Variants in ENTREP1 observed in about 807,000 individuals in gnomAD.
ENTREP1 encodes the protein endosomal transmembrane epsin interactor 1.
chr9:69,383,395 G>T, the ENTREP1 span: 4 of 1,317,036 alleles, frequency 3.0e-6, no homozygotes, highest in Admixed American at 1.0e-4. Context: ...TTGACTGATG[G>T]GTTTAAAAGC....
At chr9:69,329,675 A>G in the ENTREP1 span, 7 of 985,296 alleles carry the variant, frequency 7.1e-6, no homozygotes, top group Admixed American at 1.2e-4. Flanking sequence ...GCCATCTTGA[A>G]AAACAACCTG....
chr9:69,355,115 A>AT, the ENTREP1 span, among the ~76,000 whole-genome samples: 1 of 152,230 alleles, frequency 6.6e-6, no homozygotes, highest in Admixed American at 6.5e-5. Flanking sequence ...TTACTGTAAA[A>AT]TTTTAATGGC....
chr9:69,379,456 G>T, the ENTREP1 span: 1 of 152,310 alleles, frequency 6.6e-6, no homozygotes, highest in Non-Finnish European at 1.5e-5. Flanking sequence ...GGCCTCTCTG[G>T]TGTTCAGGGA....
chr9:69,389,360 C>T, the ENTREP1 span, among the ~76,000 whole-genome samples: 1 of 152,146 alleles, frequency 6.6e-6, no homozygotes, highest in Non-Finnish European at 1.5e-5. Flanking sequence ...GAGTAAATAC[C>T]CTCTCACTGT....
chr9:69,385,758 C>A, the ENTREP1 span: 1 of 1,437,964 alleles, frequency 7.0e-7, no homozygotes, highest in South Asian at 1.4e-5. Flanking sequence ...ATTTATGTTT[C>A]GCCTCTTTTT....
chr9:69,369,682 G>T, the ENTREP1 span, among the ~76,000 whole-genome samples: 3 of 151,518 alleles, frequency 2.0e-5, no homozygotes, highest in South Asian at 6.3e-4. Flanking sequence ...GAGTCCAAGT[G>T]TTCCTCATCC....
At chr9:69,365,719 A>G in the ENTREP1 span, among the ~76,000 whole-genome samples, 2 of 118,702 alleles carry the variant, frequency 1.7e-5, no homozygotes, top group East Asian at 4.3e-4. Flanking sequence ...CTATAATTCT[A>G]CTCTCTCTCG....
the ENTREP1 span, chr9:69,392,071 A>G: frequency 2.0e-6 from 1 of 510,586 alleles, no homozygotes; most frequent in Non-Finnish European, 3.5e-6. Context: ...CAGCATTCCC[A>G]AGGGTCACAT....
chr9:69,358,353 G>A, the ENTREP1 span, among the ~76,000 whole-genome samples: 25 of 152,184 alleles, frequency 1.6e-4, no homozygotes, highest in Non-Finnish European at 3.2e-4. Context: ...AAGAATATAT[G>A]ATACCTGTAT....
the ENTREP1 span, chr9:69,384,105 C>G: frequency 9.2e-7 from 1 of 1,088,404 alleles, no homozygotes; most frequent in South Asian, 1.4e-5. Flanking sequence ...TCTCTGTAAT[C>G]CCAGCACTTT....
chr9:69,357,827 T>C, the ENTREP1 span, among the ~76,000 whole-genome samples: 2 of 152,204 alleles, frequency 1.3e-5, no homozygotes, highest in East Asian at 1.9e-4. Flanking sequence ...CGGTGCCTTG[T>C]CTTTAATTAT....
the ENTREP1 span, chr9:69,388,267 G>A: frequency 1.9e-5 from 31 of 1,614,058 alleles, no homozygotes; most frequent in Admixed American, 1.2e-4. Flanking sequence ...GATGCAGACC[G>A]CGGTCTTTGA....
At chr9:69,377,505 A>G in the ENTREP1 span, 1 of 1,608,208 alleles carries the variant, frequency 6.2e-7, no homozygotes, top group Non-Finnish European at 8.5e-7. Flanking sequence ...CATCATGGCC[A>G]CGTTTCCGCT....
the ENTREP1 span, among the ~76,000 whole-genome samples, chr9:69,337,276 G>A: frequency 6.6e-6 from 1 of 152,064 alleles, no homozygotes; most frequent in Non-Finnish European, 1.5e-5. Context: ...CCAGAGTGTT[G>A]AGATTATAGG....
At chr9:69,349,103 G>C in the ENTREP1 span, among the ~76,000 whole-genome samples, 4 of 142,066 alleles carry the variant, frequency 2.8e-5, no homozygotes, top group African/African-American at 7.9e-5. Flanking sequence ...GGAATCGCTT[G>C]AACCCAGGAG....
At chr9:69,374,533 C>T in the ENTREP1 span, among the ~76,000 whole-genome samples, 1 of 152,150 alleles carries the variant, frequency 6.6e-6, no homozygotes, top group African/African-American at 2.4e-5. Context: ...TCTCCACCAG[C>T]AAAGAGAGTT....
the ENTREP1 span, among the ~76,000 whole-genome samples, chr9:69,367,874 T>TATATATATACCC: frequency 2.2e-5 from 2 of 90,592 alleles, no homozygotes; most frequent in Admixed American, 1.3e-4. Context: ...TATATATAAA[T>TATATATATACCC]ATATATATAC....
the ENTREP1 span, among the ~76,000 whole-genome samples, chr9:69,390,386 G>A: frequency 1.6e-3 from 251 of 152,246 alleles, no homozygotes; most frequent in African/African-American, 5.6e-3. Flanking sequence ...ACATGGCAGT[G>A]CAATTTTTAA....
At chr9:69,354,664 A>G in the ENTREP1 span, among the ~76,000 whole-genome samples, 3 of 152,088 alleles carry the variant, frequency 2.0e-5, no homozygotes, top group Admixed American at 2.0e-4. Flanking sequence ...ATTTCCAGTA[A>G]CTGGTAGTTA....
Sources: gnomAD v4.1 joint callset for allele counts (sites outside exome capture counted in the v4.1 genomes callset) on GRCh38, gnomAD v4.1.1 for gene constraint, MANE v1.5 for transcripts, NCBI Gene and HGNC (gene_info 2026-07-23, HGNC 2026-07-21) for gene names.